Variants in KCNAB1 observed in about 807,000 individuals in gnomAD.
KCNAB1 encodes potassium voltage-gated channel subfamily A regulatory beta subunit 1.
A neutral mutation model predicts 64.6 loss-of-function variants in KCNAB1; 35 were observed. That is an observed-to-expected ratio of 0.54 (90% CI 0.41 to 0.72). The LOEUF (loss-of-function observed/expected upper bound fraction) is 0.72, where lower values mean the gene tolerates loss of function less well. Ranked by LOEUF, KCNAB1 falls within the 30% of genes least tolerant of loss-of-function variation. The pLI is 0.00. For missense variants in KCNAB1, 401 were observed against 512.9 expected (o/e 0.78, Z 2.11); for synonymous variants, 177 against 183.8 (o/e 0.96, Z 0.30).
chr3:156,341,498 T>C (rs1247267334), intron 1 of KCNAB1, among the ~76,000 whole-genome samples: 1 of 152,176 alleles, frequency 6.6e-6, no homozygotes, highest in Non-Finnish European at 1.5e-5. Flanking sequence ...CATGCTGTCA[T>C]TCCCCCCTCT....
chr3:156,123,432 G>C (rs1713465975), intron 1 of KCNAB1, among the ~76,000 whole-genome samples: 1 of 152,142 alleles, frequency 6.6e-6, no homozygotes, highest in Non-Finnish European at 1.5e-5. Context: ...ATATTCTATG[G>C]TAATTTATAT....
chr3:156,255,578 A>G (rs548985647), intron 1 of KCNAB1, among the ~76,000 whole-genome samples: 1 of 151,966 alleles, frequency 6.6e-6, no homozygotes, highest in South Asian at 2.1e-4. Context: ...AATGCCCCAC[A>G]CTGCCTGCTG....
intron 1 of KCNAB1, among the ~76,000 whole-genome samples, chr3:156,295,951 C>A (rs966282453): frequency 6.6e-6 from 1 of 152,158 alleles, no homozygotes; most frequent in African/African-American, 2.4e-5. Context: ...AACATTAGAA[C>A]TTATTTCTTC....
intron 1 of KCNAB1, among the ~76,000 whole-genome samples, chr3:156,354,455 C>T (rs972036790): frequency 6.6e-6 from 1 of 151,860 alleles, no homozygotes; most frequent in African/African-American, 2.4e-5. Flanking sequence ...GCCACCGTGC[C>T]CAGCCCATAA....
In KCNAB1 at chr3:156,419,231, G is replaced by A. The variant is rs534060006; in HGVS notation, c.276-2385G>A. On this transcript the variant is annotated intron_variant, in intron 1 of 13. Coordinates refer to ENST00000490337, the MANE Select transcript of KCNAB1 (RefSeq NM_172160.3). ...AACAATCTCTGAACTAGCGGGGCAC[G>A]GTGGCTCACGCCTGTAATCCCAGCA... Among the ~76,000 whole-genome samples, 8 of 152,284 alleles carry A rather than the reference G, an allele frequency of 5.3e-5. No homozygotes were observed. In the East Asian group the frequency reaches 1.5e-3, roughly 29 times the overall value.
chr3:156,145,904 G>GA (rs1398439470), intron 1 of KCNAB1, among the ~76,000 whole-genome samples: 133 of 147,476 alleles, frequency 9.0e-4, no homozygotes, highest in Admixed American at 3.2e-3. Context: ...TTCTCAAAAG[G>GA]AAAAAAAAAA....
chr3:156,209,250 G>C (rs1196359602), intron 1 of KCNAB1, among the ~76,000 whole-genome samples: 1 of 152,184 alleles, frequency 6.6e-6, no homozygotes, highest in Non-Finnish European at 1.5e-5. Context: ...AGTTGAGCTG[G>C]AGTTGGATTA....
intron 1 of KCNAB1, among the ~76,000 whole-genome samples, chr3:156,331,129 C>A (rs1436451766): frequency 6.6e-6 from 1 of 152,106 alleles, no homozygotes; most frequent in Non-Finnish European, 1.5e-5. Context: ...CACTGGAAAC[C>A]TGCTCCTAGG....
At chr3:156,357,661 G>C (rs932805269) in intron 1 of KCNAB1, among the ~76,000 whole-genome samples, 1 of 151,948 alleles carries the variant, frequency 6.6e-6, no homozygotes, top group Non-Finnish European at 1.5e-5. Flanking sequence ...AAAGAAACAG[G>C]TGAAATTAAT....
At chr3:156,474,461 A>G (rs550781987) in intron 7 of KCNAB1, among the ~76,000 whole-genome samples, 1 of 152,314 alleles carries the variant, frequency 6.6e-6, no homozygotes, top group Admixed American at 6.5e-5. Flanking sequence ...TGCCACATAC[A>G]AGTCACTGTG....
Position 156,294,136 on chromosome 3 carries a change from T to A in KCNAB1, c.276-127480T>A, listed in dbSNP as rs527570679. Among the ~76,000 whole-genome samples, 5 of 152,244 alleles carry A rather than the reference T, an allele frequency of 3.3e-5. No homozygotes were observed. The South Asian group carries it at 1.0e-3, about 31-fold the overall frequency. On this transcript the variant is annotated intron_variant, in intron 1 of 13. Coordinates refer to ENST00000490337, the MANE Select transcript of KCNAB1 (RefSeq NM_172160.3). ...CAGGAGATTTCCATTAAGGTTTTTC[T>A]GGTGGCACAGCTCAACTCATGTTGA...
intron 2 of KCNAB1, among the ~76,000 whole-genome samples, chr3:156,439,441 T>C (rs535490714): frequency 6.6e-6 from 1 of 152,314 alleles, no homozygotes; most frequent in African/African-American, 2.4e-5. Context: ...AGATAGTTAA[T>C]CTGCAAAGCT....
At chr3:156,320,055 G>A (rs1193554584) in intron 1 of KCNAB1, among the ~76,000 whole-genome samples, 2 of 152,128 alleles carry the variant, frequency 1.3e-5, no homozygotes, top group Non-Finnish European at 2.9e-5. Context: ...AAAATGAAGT[G>A]TTTTCAGGTA....
intron 1 of KCNAB1, among the ~76,000 whole-genome samples, chr3:156,339,798 G>A (rs368027374): frequency 2.6e-5 from 4 of 152,092 alleles, no homozygotes; most frequent in African/African-American, 9.7e-5. Context: ...CGTCTTCCAG[G>A]GATAATGACC....
At chr3:156,332,582 G>C (rs1723415546) in intron 1 of KCNAB1, among the ~76,000 whole-genome samples, 1 of 152,082 alleles carries the variant, frequency 6.6e-6, no homozygotes, top group South Asian at 2.1e-4. Flanking sequence ...CTGCTATAAG[G>C]AATGTCTCCA....
At chr3:156,453,084 G>T in intron 3 of KCNAB1, 148 bp downstream of exon 3, 2 of 527,490 alleles carry the variant, frequency 3.8e-6, no homozygotes, top group Non-Finnish European at 3.4e-6. Context: ...GATTATTGTT[G>T]ATTTTATTTT....
chr3:156,341,850 C>G (rs1016154744), intron 1 of KCNAB1, among the ~76,000 whole-genome samples: 16 of 152,228 alleles, frequency 1.1e-4, no homozygotes, highest in Non-Finnish European at 2.1e-4. Context: ...ATTTTCTATT[C>G]TATTCCATTT....
intron 2 of KCNAB1, among the ~76,000 whole-genome samples, chr3:156,437,975 C>T (rs963484290): frequency 2.6e-5 from 4 of 152,210 alleles, no homozygotes; most frequent in African/African-American, 9.7e-5. Context: ...AAGTTGTCAT[C>T]TCGGCTGCCA....
intron 8 of KCNAB1, among the ~76,000 whole-genome samples, chr3:156,486,102 A>C (rs1464454852): frequency 6.6e-6 from 1 of 152,074 alleles, no homozygotes; most frequent in Non-Finnish European, 1.5e-5. Context: ...TAAATAACCT[A>C]GAATGTGATT....
Sources: gnomAD v4.1 joint callset for allele counts (sites outside exome capture counted in the v4.1 genomes callset) on GRCh38, gnomAD v4.1.1 for gene constraint, MANE v1.5 for transcripts, NCBI Gene and HGNC (gene_info 2026-07-23, HGNC 2026-07-21) for gene names.